Variants in VPS37D observed in about 807,000 individuals in gnomAD.
VPS37D encodes VPS37D subunit of ESCRT-I.
A neutral mutation model predicts 22.0 loss-of-function variants in VPS37D; 5 were observed. That is an observed-to-expected ratio of 0.23 (90% CI 0.12 to 0.48). The LOEUF is 0.48. Among genes scored for constraint, VPS37D ranks in the 20% least tolerant of loss-of-function variants. VPS37D has a pLI of 0.99. For missense variants in VPS37D, 384 were observed against 345.8 expected, an observed-to-expected ratio of 1.11 and a Z score of -0.88; for synonymous variants, 174 against 159.3, an observed-to-expected ratio of 1.09 and a Z score of -0.69.
At chr7:73,666,559 G>C (rs1797377838), upstream of VPS37D, among the ~76,000 whole-genome samples, 1 of 151,890 alleles carries the variant, frequency 6.6e-6, no homozygotes, top group South Asian at 2.1e-4. Flanking sequence ...CACCTGAGTA[G>C]CTGGAATTAC....
chr7:73,668,492 G>A (rs1797432362), intron 1 of VPS37D, among the ~76,000 whole-genome samples: 1 of 151,766 alleles, frequency 6.6e-6, no homozygotes, highest in Non-Finnish European at 1.5e-5. Flanking sequence ...AGGGGCCGTT[G>A]GGGGTTCACG....
intron 1 of VPS37D, among the ~76,000 whole-genome samples, chr7:73,668,742 AG>A (rs1275804723): frequency 1.3e-5 from 2 of 151,294 alleles, no homozygotes; most frequent in East Asian, 3.9e-4. Context: ...AGGGGCAGGG[AG>A]GGGAGGTTGG....
chr7:73,670,935 T>C, intron 3 of VPS37D, 79 bp from the exon 4 acceptor site: 1 of 1,540,050 alleles, frequency 6.5e-7, no homozygotes, highest in Non-Finnish European at 8.8e-7. Context: ...GGGGAGGGCC[T>C]CAGGGTGGGA....
At chr7:73,670,141 A>C (rs1554609475) in intron 3 of VPS37D, 39 bp downstream of exon 3, 1 of 1,549,384 alleles carries the variant, frequency 6.5e-7, no homozygotes, top group East Asian at 2.4e-5. Flanking sequence ...GCCAGGAGGG[A>C]GACCCATTCT....
Position 73,668,022 on chromosome 7 carries a change from C to A in VPS37D, c.64C>A (p.Leu22Ile). ...CGGCAGCCCGGGGCGCTTTGGGATC[C>A]TCAGCACCGGGCAGCTCCGGGACCT... ...EPGSPGRFGI[L>I]STGQLRDLLQ... Residue 22 changes from leucine to isoleucine, a missense_variant, in exon 1 of 4, where the codon CTC (leucine) becomes ATC (isoleucine). Coordinates refer to ENST00000324941, the MANE Select transcript of VPS37D (RefSeq NM_001077621.2). 1 of 1,153,124 alleles carries A rather than the reference C, an allele frequency of 8.7e-7. No homozygotes were observed. The allele number at this position is 1,153,124 out of a possible 1,614,324, so 71.4% of individuals were successfully genotyped here.
rs1156319852 is a variant in VPS37D at position 73,671,673 on chromosome 7, T to G, written c.*297T>G. 6 of 165,876 alleles carry G rather than the reference T, an allele frequency of 3.6e-5. No homozygotes were observed. The highest frequency in any genetic ancestry group is 5.2e-5 in the Non-Finnish European group (4 of 77,606). The allele number at this position is 165,876 out of a possible 1,614,324, so 10.3% of individuals were successfully genotyped here. On this transcript the variant is annotated 3_prime_UTR_variant, in exon 4 of 4. Transcript: ENST00000324941. Reference sequence around the variant, plus strand: ...GCCCCGTTAAAGAACTTGACTCAACTACAGGGGCCTGGGAAGATGCCTGGG... The same window carrying G: ...GCCCCGTTAAAGAACTTGACTCAACGACAGGGGCCTGGGAAGATGCCTGGG...
intron 1 of VPS37D, 76 bp from the exon 2 acceptor site, chr7:73,669,343 C>T (rs1445926855): frequency 2.7e-6 from 4 of 1,456,936 alleles, no homozygotes; most frequent in Non-Finnish European, 3.6e-6. Flanking sequence ...CACGGTCGCC[C>T]AGTAGGGTGG....
At chr7:73,667,745 AG>A (rs1365407491), upstream of VPS37D, 29 of 145,344 alleles carry the variant, frequency 2.0e-4, no homozygotes, top group Admixed American at 8.8e-4. Context: ...CGGGGCGGGG[AG>A]GGGTGCGGCC....
chr7:73,670,238 G>T (rs1797476868), intron 3 of VPS37D, 136 bp downstream of exon 3: 1 of 1,387,366 alleles, frequency 7.2e-7, no homozygotes, highest in East Asian at 2.5e-5. Flanking sequence ...GCATGCCAGA[G>T]CCTAGCATTG....
chr7:73,666,095 C>T (rs1554608585), upstream of VPS37D, among the ~76,000 whole-genome samples: 1 of 152,004 alleles, frequency 6.6e-6, no homozygotes, highest in Non-Finnish European at 1.5e-5. Flanking sequence ...GACTTAATTT[C>T]TGAGTGTCTA....
In VPS37D at chr7:73,669,342, CCAGTAGGGTGGACGGGG is replaced by C. The variant is rs1193187830; in HGVS notation, c.139-63_139-47del. 8 of 1,454,748 alleles carry C rather than the reference CCAGTAGGGTGGACGGGG, an allele frequency of 5.5e-6. No individual in the cohort carries two copies. The East Asian group carries it at 1.5e-4, about 27-fold the overall frequency. 90.1% of individuals were successfully genotyped at this position (1,454,748 alleles called of 1,614,324 possible). A position where few individuals can be genotyped will look rare whatever the true frequency, so the allele number is the denominator to read the frequency against. ...TGGCCTGGCCCTCAGGCACGGTCGCCCAGTAGGGTGGACGGGGCAGTAGGGTGGACAGGGCAGATCCC... is the reference window on the plus strand; with the variant it reads ...TGGCCTGGCCCTCAGGCACGGTCGCCCAGTAGGGTGGACAGGGCAGATCCC... On this transcript the variant is annotated intron_variant, in intron 1 of 3. Transcript: ENST00000324941.
At position 73,671,362 on chromosome 7, in the gene VPS37D, C is replaced by T. The variant is rs782223241; in HGVS notation, c.742C>T (p.Pro248Ser). The T allele has an allele frequency of 3.7e-6, 5 of 1,369,800 alleles. No homozygotes were observed. Among genetic ancestry groups the T allele is most frequent in the African/African-American group, 1.5e-5 (1 of 64,696 alleles). 84.9% of individuals were successfully genotyped at this position (1,369,800 alleles called of 1,614,324 possible). A position where few individuals can be genotyped will look rare whatever the true frequency, so the allele number is the denominator to read the frequency against. The change falls in exon 4 of 4, where the codon CCC becomes TCC. Residue 248 changes from proline to serine, a missense_variant. Physicochemically the swap from Pro to Ser is moderately conservative, Grantham distance 74. Coordinates refer to ENST00000324941, the MANE Select transcript of VPS37D (RefSeq NM_001077621.2). ...GAGCCCTCGGCCCTCGCAGCCAGAG[C>T]CCCCCCACCGGTAGGATCCACGGTG... ...LLSPRPSQPE[P>S]PHR is the part of the protein sequence containing the mutation.
upstream of VPS37D, among the ~76,000 whole-genome samples, chr7:73,666,465 GTC>G (rs1797375661): frequency 6.6e-6 from 1 of 151,898 alleles, no homozygotes. Context: ...CGGAGTCTCT[GTC>G]GCCCAGGCTG....
chr7:73,666,526 T>G (rs1440772818), upstream of VPS37D, among the ~76,000 whole-genome samples: 11 of 151,894 alleles, frequency 7.2e-5, no homozygotes, highest in Admixed American at 7.2e-4. Context: ...CCTCCCAGGT[T>G]CAAGCGATTC....
chr7:73,668,394 G>A (rs1797430385), intron 1 of VPS37D, among the ~76,000 whole-genome samples: 1 of 151,960 alleles, frequency 6.6e-6, no homozygotes, highest in Non-Finnish European at 1.5e-5. Flanking sequence ...TGTTGTGGGG[G>A]GCCCTGGCTC....
chr7:73,666,973 CTTT>C (rs71082248), upstream of VPS37D, among the ~76,000 whole-genome samples: 1 of 129,996 alleles, frequency 7.7e-6, no homozygotes, highest in Non-Finnish European at 1.6e-5. Flanking sequence ...TCTTTTCACT[CTTT>C]TTTTTTTTTT....
At chr7:73,669,632 C>T (rs1554609343) in intron 2 of VPS37D, 42 bp downstream of exon 2, 8 of 1,548,810 alleles carry the variant, frequency 5.2e-6, no homozygotes, top group African/African-American at 2.7e-5. Flanking sequence ...CTGGTGGGGG[C>T]AGTTGGCCAT....
chr7:73,669,976 G>C (rs368362725), intron 2 of VPS37D, 44 bp from the exon 3 acceptor site: 3 of 1,551,162 alleles, frequency 1.9e-6, no homozygotes, highest in South Asian at 2.4e-5. Context: ...GTGCAAGCCC[G>C]GGGCCCTGGC....
At chr7:73,665,368 G>T (rs1439818566), upstream of VPS37D, among the ~76,000 whole-genome samples, 2 of 151,362 alleles carry the variant, frequency 1.3e-5, no homozygotes, top group African/African-American at 2.4e-5. Flanking sequence ...ACTGACTCCA[G>T]CCTGGGCGAC....
Sources: gnomAD v4.1 joint callset for allele counts (sites outside exome capture counted in the v4.1 genomes callset) on GRCh38, gnomAD v4.1.1 for gene constraint, MANE v1.5 for transcripts, NCBI Gene and HGNC (gene_info 2026-07-23, HGNC 2026-07-21) for gene names.